The following RORA variants were observed in gnomAD, a reference collection of about 807,000 sequenced individuals.
RORA encodes nuclear receptor ROR-alpha.
RORA carries 7 observed loss-of-function variants against 69.5 expected under a neutral mutation model. That is an observed-to-expected ratio of 0.10 (90% CI 0.06 to 0.19). The LOEUF (loss-of-function observed/expected upper bound fraction) is 0.19, where lower values mean the gene tolerates loss of function less well. RORA is among the 10% of genes least tolerant of loss of function. The pLI is 1.00. For synonymous variants in RORA, 261 were observed against 240.8 expected (o/e 1.08, Z -0.78); for missense variants, 457 against 663.0 (o/e 0.69, Z 3.41).
At chr15:60,592,857 T>C in intron 2 of RORA, 1 of 472,138 alleles carries the variant, frequency 2.1e-6, no homozygotes, top group Non-Finnish European at 4.1e-6. Context: ...GGAACGCGCC[T>C]CTGACCACTT....
chr15:60,505,418 A>C (rs542424811), intron 6 of RORA, 90 bp downstream of exon 6: 1 of 1,223,494 alleles, frequency 8.2e-7, no homozygotes, highest in East Asian at 2.4e-5. Context: ...TTCATTCTTT[A>C]GTCTGTGTGA....
At position 60,936,655 on chromosome 15, in the gene RORA, G is replaced by A. The variant is rs144126839; in HGVS notation, c.167-257969C>T. ...AAGGATGGTTCTGCCAGAGTGACGG[G>A]CACTGCCTGTGACCATACAGTGGCA... On this transcript the variant is annotated intron_variant, in intron 1 of 10. Coordinates refer to ENST00000335670, the MANE Select transcript of RORA (RefSeq NM_134261.3). 4.8e-3 allele frequency among the ~76,000 whole-genome samples: 737 copies of A among 152,336 alleles called. 4 individuals carry two copies. The highest frequency in any genetic ancestry group is 0.017 in the African/African-American group (697 of 41,578).
At chr15:60,959,156 G>T (rs987317631) in intron 1 of RORA, among the ~76,000 whole-genome samples, 4 of 152,192 alleles carry the variant, frequency 2.6e-5, no homozygotes, top group Non-Finnish European at 5.9e-5. Context: ...AGGTACTTTT[G>T]TGTAAGAGGA....
intron 1 of RORA, among the ~76,000 whole-genome samples, chr15:61,057,507 G>A (rs2078112586): frequency 6.6e-6 from 1 of 152,196 alleles, no homozygotes; most frequent in Admixed American, 6.5e-5. Flanking sequence ...GAAAGCACAT[G>A]AAATTTGGAG....
At chr15:60,580,013 A>C (rs1053722081) in intron 2 of RORA, among the ~76,000 whole-genome samples, 1 of 152,180 alleles carries the variant, frequency 6.6e-6, no homozygotes, top group African/African-American at 2.4e-5. Context: ...AAATGAGTAA[A>C]TTACTGAAGA....
intron 2 of RORA, among the ~76,000 whole-genome samples, chr15:60,637,068 T>A (rs2069854139): frequency 6.6e-6 from 1 of 150,806 alleles, no homozygotes. Flanking sequence ...CTTTACTTTT[T>A]AAATTATTTC....
At chr15:61,167,524 T>G (rs1378479731) in intron 1 of RORA, among the ~76,000 whole-genome samples, 2 of 109,388 alleles carry the variant, frequency 1.8e-5, no homozygotes, top group African/African-American at 6.8e-5. Context: ...TTTTTTTTTA[T>G]GAAGAAATTT....
At chr15:60,831,600 T>C (rs1003078942) in intron 1 of RORA, among the ~76,000 whole-genome samples, 3 of 152,158 alleles carry the variant, frequency 2.0e-5, no homozygotes, top group African/African-American at 7.2e-5. Context: ...CAAAACACCA[T>C]ATCCATGCAT....
intron 1 of RORA, among the ~76,000 whole-genome samples, chr15:61,138,739 GA>G (rs139305830): frequency 0.022 from 3,349 of 151,858 alleles, 129 homozygotes; most frequent in African/African-American, 0.076. Flanking sequence ...CTCTGAGGGG[GA>G]AAAAAAGCCA....
chr15:60,627,573 A>G, intron 2 of RORA: 1 of 1,290,760 alleles, frequency 7.7e-7, no homozygotes, highest in Non-Finnish European at 9.9e-7. Flanking sequence ...AGAATGAGGT[A>G]CTTACAATTC....
chr15:60,599,198 A>G (rs1375822586), intron 2 of RORA, among the ~76,000 whole-genome samples: 1 of 152,210 alleles, frequency 6.6e-6, no homozygotes, highest in Non-Finnish European at 1.5e-5. Context: ...AGGCCAAATC[A>G]CATCTTGGTG....
chr15:60,698,490 T>C (rs757220974), intron 1 of RORA, among the ~76,000 whole-genome samples: 39 of 152,214 alleles, frequency 2.6e-4, no homozygotes, highest in Non-Finnish European at 4.3e-4. Flanking sequence ...ATTTTAAATG[T>C]TTTAATGGAG....
At chr15:61,077,638 A>C (rs1294122865) in intron 1 of RORA, among the ~76,000 whole-genome samples, 2 of 152,076 alleles carry the variant, frequency 1.3e-5, no homozygotes, top group Non-Finnish European at 1.5e-5. Flanking sequence ...ACTTCTCTCC[A>C]TGTTTACCTA....
intron 1 of RORA, among the ~76,000 whole-genome samples, chr15:60,697,334 CTG>C (rs774857326): frequency 2.0e-5 from 3 of 152,296 alleles, no homozygotes; most frequent in Middle Eastern, 3.4e-3. Flanking sequence ...CCCCAACAAA[CTG>C]TTTTTTCAAA....
intron 2 of RORA, chr15:60,601,133 T>C (rs2068799540): frequency 6.6e-6 from 1 of 152,212 alleles, no homozygotes; most frequent in Non-Finnish European, 1.5e-5. Flanking sequence ...TTTCCTTCAA[T>C]TCAGCATTAC....
At chr15:61,115,971 G>C (rs2079046853) in intron 1 of RORA, among the ~76,000 whole-genome samples, 1 of 152,124 alleles carries the variant, frequency 6.6e-6, no homozygotes, top group Non-Finnish European at 1.5e-5. Context: ...GAATTGGATA[G>C]GTGACTCAGT....
intron 1 of RORA, among the ~76,000 whole-genome samples, chr15:61,112,168 C>T (rs2079012398): frequency 6.6e-6 from 1 of 152,098 alleles, no homozygotes. Flanking sequence ...TTAAACCTTG[C>T]CCATATATGT....
intron 1 of RORA, among the ~76,000 whole-genome samples, chr15:61,020,396 A>G (rs572314776): frequency 7.2e-5 from 11 of 152,266 alleles, no homozygotes; most frequent in African/African-American, 1.9e-4. Context: ...ATGGGGAAAG[A>G]AGAGCCAGGA....
intron 1 of RORA, among the ~76,000 whole-genome samples, chr15:60,807,835 C>G (rs1365993203): frequency 6.6e-6 from 1 of 152,184 alleles, no homozygotes. Flanking sequence ...AAAGTACACC[C>G]TGTTCAACAA....
Sources: allele counts gnomAD v4.1 joint callset (sites outside exome capture counted in the v4.1 genomes callset), GRCh38; gene constraint gnomAD v4.1.1; transcripts MANE v1.5; gene names NCBI Gene and HGNC (gene_info 2026-07-23, HGNC 2026-07-21).